Variants in CNOT8 observed in about 807,000 individuals in gnomAD.
The protein encoded by CNOT8 is CCR4-NOT transcription complex subunit 8.
CNOT8 carries 18 observed loss-of-function variants against 34.6 expected under a neutral mutation model. That is an observed-to-expected ratio of 0.52 (90% CI 0.36 to 0.77). The LOEUF (loss-of-function observed/expected upper bound fraction) is 0.77. Ranked by LOEUF, CNOT8 falls within the 30% of genes least tolerant of loss-of-function variation. The pLI is 0.00. For synonymous variants in CNOT8, 101 were observed against 118.8 expected, an observed-to-expected ratio of 0.85 and a Z score of 0.98; for missense variants, 189 against 347.9, an observed-to-expected ratio of 0.54 and a Z score of 3.63.
chr5:154,871,598 C>A, intron 4 of CNOT8, 132 bp from the exon 5 acceptor site: 12 of 558,558 alleles, frequency 2.1e-5, no homozygotes, highest in East Asian at 3.5e-5. Context: ...GATTATAGTA[C>A]GATAAACTAC....
chr5:154,866,325 C>G (rs1432918360), intron 3 of CNOT8, among the ~76,000 whole-genome samples: 1 of 152,106 alleles, frequency 6.6e-6, no homozygotes, highest in Non-Finnish European at 1.5e-5. Context: ...CCATGCCCAG[C>G]TGATTTTTTG....
Position 154,875,611 on chromosome 5 carries a change from C to A in CNOT8, c.*172C>A. 1.5e-6 allele frequency: 1 copy of A among 684,748 alleles called. No homozygotes were observed. The highest frequency in any genetic ancestry group is 2.3e-6 in the Non-Finnish European group (1 of 432,454). 42.4% of individuals were successfully genotyped at this position (684,748 alleles called of 1,614,324 possible). A position where few individuals can be genotyped will look rare whatever the true frequency, so the allele number is the denominator to read the frequency against. Reference sequence around the variant, plus strand: ...AGACAAAAGATGTTTTTATTTTAGACCCAGAAGAGAGGAGTTTGCTCTGAA... The same window carrying A: ...AGACAAAAGATGTTTTTATTTTAGAACCAGAAGAGAGGAGTTTGCTCTGAA... On this transcript the variant is annotated 3_prime_UTR_variant, in exon 7 of 7. Transcript: ENST00000285896.
chr5:154,863,104 TA>T, intron 1 of CNOT8, 102 bp from the exon 2 acceptor site: 1 of 564,384 alleles, frequency 1.8e-6, no homozygotes, highest in East Asian at 3.0e-5. Context: ...CTTAATGTTT[TA>T]AACTAATGAA....
chr5:154,865,238 G>T lies in CNOT8; in HGVS notation c.164G>T (p.Arg55Leu), dbSNP rs750700906. 1.2e-6 allele frequency: 2 copies of T among 1,606,074 alleles called. No homozygotes were observed. The highest frequency in any genetic ancestry group is 1.1e-5 in the South Asian group (1 of 88,970). ...GVVVRPIGEF[R>L]SSIDYQYQLL... ...GTGGTGCGACCAATTGGTGAATTTC[G>T]TAGTTCCATAGATTACCAATATCAG... is the stretch of plus-strand genomic sequence containing the variant. Residue 55 changes from arginine to leucine, a missense_variant, in exon 3 of 7, where the codon CGT becomes CTT. Arg to Leu is a moderately radical substitution (Grantham distance 102, BLOSUM62 -2). Coordinates refer to ENST00000285896, the MANE Select transcript of CNOT8 (RefSeq NM_001301073.2).
intron 3 of CNOT8, 120 bp from the exon 4 acceptor site, chr5:154,870,541 T>C (rs1312879297): frequency 1.4e-6 from 1 of 703,726 alleles, no homozygotes; most frequent in South Asian, 2.0e-5. Context: ...AATTGATCTA[T>C]TAAGTTAGGA....
At chr5:154,873,126 G>A (rs1427997832) in intron 6 of CNOT8, among the ~76,000 whole-genome samples, 4 of 151,732 alleles carry the variant, frequency 2.6e-5, no homozygotes, top group African/African-American at 7.3e-5. Context: ...GGCTGGTCTC[G>A]AACTCCTGAC....
At chr5:154,863,825 C>T (rs1432309332) in intron 2 of CNOT8, among the ~76,000 whole-genome samples, 1 of 152,088 alleles carries the variant, frequency 6.6e-6, no homozygotes. Flanking sequence ...ACGTCATCCC[C>T]TAGGGCCCAG....
intron 1 of CNOT8, 140 bp from the exon 2 acceptor site, chr5:154,863,064 CCAT>C: frequency 2.2e-6 from 1 of 455,878 alleles, no homozygotes. Context: ...CAAAGTTTCT[CCAT>C]CATATAAAAT....
chr5:154,869,480 T>G (rs1421540096), intron 3 of CNOT8, among the ~76,000 whole-genome samples: 1 of 150,946 alleles, frequency 6.6e-6, no homozygotes, highest in East Asian at 1.9e-4. Flanking sequence ...AGTCTTGTTC[T>G]GTCTCCTAGG....
At chr5:154,875,057 C>T (rs1355374759) in intron 6 of CNOT8, among the ~76,000 whole-genome samples, 1 of 151,976 alleles carries the variant, frequency 6.6e-6, no homozygotes, top group Admixed American at 6.5e-5. Flanking sequence ...GCTGGGATTA[C>T]AGGTATGTGC....
Position 154,863,375 on chromosome 5 carries a change from A to G in CNOT8, c.97A>G (p.Ser33Gly). 1.2e-6 allele frequency: 2 copies of G among 1,612,706 alleles called. No individual in the cohort carries two copies. Among genetic ancestry groups the G allele is most frequent in the East Asian group, 2.2e-5 (1 of 44,870 alleles). ...GAGGAAGATCCGAGAAATCGTGCTC[A>G]GTTACAGTTATATTGCCATGGTAAG... is the stretch of plus-strand genomic sequence containing the variant. ...EMRKIREIVL[S>G]YSYIAMDTEF... Residue 33 changes from serine (S) to glycine (G), a missense_variant, in exon 2 of 7, where the codon AGT becomes GGT. Around this residue, in one of 2 missense-constraint regions of CNOT8, gnomAD observed 160 missense variants for 321.9 expected, o/e 0.50. Transcript: ENST00000285896.
chr5:154,861,625 G>A (rs961160221), intron 1 of CNOT8, among the ~76,000 whole-genome samples: 7 of 152,198 alleles, frequency 4.6e-5, no homozygotes, highest in Admixed American at 3.3e-4. Flanking sequence ...ATACATTAGA[G>A]CCCACTATTG....
chr5:154,873,798 T>G (rs1762696524), intron 6 of CNOT8, among the ~76,000 whole-genome samples: 1 of 152,200 alleles, frequency 6.6e-6, no homozygotes, highest in Non-Finnish European at 1.5e-5. Context: ...AGGTCAGTGA[T>G]TCTCAACTGG....
intron 3 of CNOT8, among the ~76,000 whole-genome samples, chr5:154,866,700 G>GAT (rs1761912717): frequency 2.0e-5 from 3 of 152,118 alleles, no homozygotes; most frequent in Non-Finnish European, 4.4e-5. Context: ...ATCACTTGAG[G>GAT]CCAGGAGTTC....
At chr5:154,868,173 G>C (rs963060375) in intron 3 of CNOT8, among the ~76,000 whole-genome samples, 6 of 151,488 alleles carry the variant, frequency 4.0e-5, no homozygotes, top group Non-Finnish European at 5.9e-5. Flanking sequence ...TCCTGACCTT[G>C]TGATCCGCCC....
chr5:154,863,261 T>C lies in CNOT8; in HGVS notation c.-18T>C. 1 of 1,591,262 alleles carries C rather than the reference T, an allele frequency of 6.3e-7. No homozygotes were observed. The highest frequency in any genetic ancestry group is 8.6e-7 in the Non-Finnish European group (1 of 1,159,066). On this transcript the variant is annotated 5_prime_UTR_variant, in exon 2 of 7. Coordinates refer to ENST00000285896, the MANE Select transcript of CNOT8 (RefSeq NM_001301073.2). ...GTAAAACTAGTTAGCTGAAGACGACTTCTCAGGTTTCTTCAGGATGCCTGC... is the reference window on the plus strand; with the variant it reads ...GTAAAACTAGTTAGCTGAAGACGACCTCTCAGGTTTCTTCAGGATGCCTGC...
intron 3 of CNOT8, chr5:154,867,563 C>G (rs1762017999): frequency 6.1e-6 from 1 of 164,106 alleles, no homozygotes; most frequent in African/African-American, 2.4e-5. Flanking sequence ...CTGGCTGTTG[C>G]TTCACGTGGG....
In CNOT8 at chr5:154,875,479, G is replaced by A. The variant is rs775545878; in HGVS notation, c.*40G>A. On this transcript the variant is annotated 3_prime_UTR_variant, in exon 7 of 7. Transcript: ENST00000285896. ...GCAGGGTGGGCCTGATCCCAGAGTGGTGCTTACTGTGCTGACTGTGTACTT... is the reference window on the plus strand; with the variant it reads ...GCAGGGTGGGCCTGATCCCAGAGTGATGCTTACTGTGCTGACTGTGTACTT... 1.2e-5 allele frequency: 19 copies of A among 1,604,548 alleles called. No individual in the cohort carries two copies. Among genetic ancestry groups the A allele is most frequent in the Non-Finnish European group, 1.5e-5 (18 of 1,176,366 alleles).
chr5:154,875,944 C>T lies in CNOT8; in HGVS notation c.*505C>T, dbSNP rs1275740220. 3 of 153,404 alleles carry T rather than the reference C, an allele frequency of 2.0e-5. No homozygotes were observed. Among genetic ancestry groups the T allele is most frequent in the Non-Finnish European group, 4.4e-5 (3 of 68,932 alleles). 9.5% of individuals were successfully genotyped at this position (153,404 alleles called of 1,614,324 possible). A position where few individuals can be genotyped will look rare whatever the true frequency, so the allele number is the denominator to read the frequency against. The stretch of plus-strand genomic sequence containing the variant: ...CTGAGTCTTCCTTTCCTTTTCTGAC[C>T]CTTCTCGAGGACATTTGCTTTCCTC... On this transcript the variant is annotated 3_prime_UTR_variant, in exon 7 of 7. Coordinates refer to ENST00000285896, the MANE Select transcript of CNOT8 (RefSeq NM_001301073.2).
Sources: gnomAD v4.1 joint callset for allele counts (sites outside exome capture counted in the v4.1 genomes callset) on GRCh38, gnomAD v4.1.1 for gene constraint, gnomAD v4.1.1 regional missense constraint, MANE v1.5 for transcripts, NCBI Gene and HGNC (gene_info 2026-07-23, HGNC 2026-07-21) for gene names.